The following KCNF1 variants were observed in gnomAD, a reference collection of about 807,000 sequenced individuals.
KCNF1 encodes potassium voltage-gated channel modifier subfamily F member 1, also known as voltage-gated potassium channel regulatory subunit KCNF1.
KCNF1 carries 9 observed loss-of-function variants against 28.6 expected under a neutral mutation model. The ratio of observed to expected loss-of-function variants is 0.31; its 90% CI spans 0.19 to 0.55. The LOEUF (loss-of-function observed/expected upper bound fraction) is 0.55. Ranked by LOEUF, KCNF1 falls within the 20% of genes least tolerant of loss-of-function variation. KCNF1 has a pLI of 0.93. For synonymous variants in KCNF1, 328 were observed against 299.6 expected (o/e 1.09, Z -0.98); for missense variants, 461 against 684.2 (o/e 0.67, Z 3.64).
chr2:10,913,099 G>A lies in KCNF1; in HGVS notation c.673G>A (p.Val225Met), dbSNP rs987567389. 6.2e-7 allele frequency: 1 copy of A among 1,610,074 alleles called. No individual in the cohort carries two copies. The highest frequency in any genetic ancestry group is 1.3e-5 in the African/African-American group (1 of 75,082). Residue 225 changes from valine (V) to methionine (M), a missense_variant, in exon 1 of 1, where the codon GTG (valine) becomes ATG (methionine). Val to Met is a conservative substitution (Grantham distance 21, BLOSUM62 1). This residue lies in a region of KCNF1 where 193 missense variants were observed against 280.6 expected (regional missense o/e 0.69). Coordinates refer to ENST00000295082, the MANE Select transcript of KCNF1 (RefSeq NM_002236.5). This position sits in a 1 kb window ranked among gnomAD's most constrained non-coding sequence, Gnocchi z 5.5. ...CGTGGAGCACCCGACGCTGGAGAACGTGGAGACGGCGTGCATTGGCTGGTT... is the reference window on the plus strand; with the variant it reads ...CGTGGAGCACCCGACGCTGGAGAACATGGAGACGGCGTGCATTGGCTGGTT... ...NRVEHPTLENVETACIGWFTL... is the reference protein window; with the variant it reads ...NRVEHPTLENMETACIGWFTL...
rs1282612512 is a variant in KCNF1, at chr2:10,913,213, A to G, written c.787A>G (p.Ile263Val). Residue 263 changes from isoleucine to valine, a missense_variant, in exon 1 of 1, where the codon ATC (isoleucine) becomes GTC (valine). This residue lies in a region of KCNF1 where 115 missense variants were observed against 261.6 expected (regional missense o/e 0.44). Transcript: ENST00000295082. The surrounding 1 kb of genome is among the most constrained non-coding windows in gnomAD (Gnocchi z 5.5). ...SFMNIVDVLA[I>V]LPFYVSLTLT... The stretch of plus-strand genomic sequence containing the variant: ...CATGAACATTGTGGACGTGCTGGCC[A>G]TCCTCCCCTTCTACGTGAGCCTCAC... 6.2e-7 allele frequency: 1 copy of G among 1,613,458 alleles called. No homozygotes were observed. Among genetic ancestry groups the G allele is most frequent in the Non-Finnish European group, 8.5e-7 (1 of 1,180,034 alleles).
chr2:10,913,889 C>A lies in KCNF1; in HGVS notation c.1463C>A (p.Thr488Asn). The A allele has an allele frequency of 6.6e-7, 1 of 1,521,766 alleles. No homozygotes were observed. The highest frequency in any genetic ancestry group is 8.8e-7 in the Non-Finnish European group (1 of 1,137,138). 94.3% of individuals were successfully genotyped at this position (1,521,766 alleles called of 1,614,324 possible). ...CTGACCGAGGAGAAGCACCACAGGA[C>A]CCGGCTCCAGAGTTGCAAGTGACAG... The part of the protein sequence containing the change: ...PLLTEEKHHR[T>N]RLQSCK The change falls in exon 1 of 1, where the codon ACC becomes AAC. Residue 488 changes from threonine (T) to asparagine (N), a missense_variant. Around this residue, in one of 4 missense-constraint regions of KCNF1, gnomAD observed 101 missense variants for 102.2 expected, o/e 0.99. Coordinates refer to ENST00000295082, the MANE Select transcript of KCNF1 (RefSeq NM_002236.5). The surrounding 1 kb of genome is among the most constrained non-coding windows in gnomAD (Gnocchi z 5.5).
rs141969545 is a variant in KCNF1 at position 10,913,963 on chromosome 2, T to C, written c.*52T>C. The C allele has an allele frequency of 7.2e-4, 1,093 of 1,510,232 alleles. 14 individuals are homozygous for C. In the East Asian group the frequency reaches 0.024, roughly 33 times the overall value. 93.6% of individuals were successfully genotyped at this position (1,510,232 alleles called of 1,614,324 possible). On this transcript the variant is annotated 3_prime_UTR_variant, in exon 1 of 1. Coordinates refer to ENST00000295082, the MANE Select transcript of KCNF1 (RefSeq NM_002236.5). The surrounding 1 kb of genome is among the most constrained non-coding windows in gnomAD (Gnocchi z 5.5). ...ACCAGGCGGTGGACAGATGGGTAGATGTGGCAGGCATGTCATCGACAGCAC... is the reference window on the plus strand; with the variant it reads ...ACCAGGCGGTGGACAGATGGGTAGACGTGGCAGGCATGTCATCGACAGCAC...
In KCNF1 at chr2:10,913,504, T is replaced by A. The variant is rs1309520828; in HGVS notation, c.1078T>A (p.Ser360Thr). The stretch of plus-strand genomic sequence containing the variant: ...GACCCTGTTTAAGAGCATCCCCCAG[T>A]CCTTCTGGTGGGCCATCATCACCAT... ...PETLFKSIPQ[S>T]FWWAIITMTT... The change falls in exon 1 of 1, where the codon TCC (serine) becomes ACC (threonine). Residue 360 changes from serine (S) to threonine (T), a missense_variant. Around this residue, in one of 4 missense-constraint regions of KCNF1, gnomAD observed 115 missense variants for 261.6 expected, o/e 0.44. Coordinates refer to ENST00000295082, the MANE Select transcript of KCNF1 (RefSeq NM_002236.5). This position sits in a 1 kb window ranked among gnomAD's most constrained non-coding sequence, Gnocchi z 5.5. The A allele has an allele frequency of 6.2e-7, 1 of 1,614,116 alleles. No homozygotes were observed. The highest frequency in any genetic ancestry group is 1.1e-5 in the South Asian group (1 of 91,076).
At position 10,913,778 on chromosome 2, in the gene KCNF1, A is replaced by T; in HGVS notation, c.1352A>T (p.Asn451Ile). The T allele has an allele frequency of 6.3e-7, 1 of 1,590,924 alleles. No individual in the cohort carries two copies. The highest frequency in any genetic ancestry group is 8.6e-7 in the Non-Finnish European group (1 of 1,167,844). The change falls in exon 1 of 1, where the codon AAC becomes ATC. Residue 451 changes from asparagine (N) to isoleucine (I), a missense_variant. Coordinates refer to ENST00000295082, the MANE Select transcript of KCNF1 (RefSeq NM_002236.5). This position sits in a 1 kb window ranked among gnomAD's most constrained non-coding sequence, Gnocchi z 5.5. ...KTGGSRSDLDNLPPEPAGKEA... is the reference protein window; with the variant it reads ...KTGGSRSDLDILPPEPAGKEA... ...GGGGGCTCCCGCAGTGACCTGGACA[A>T]CCTCCCTCCAGAGCCTGCGGGGAAG...
chr2:10,912,576 G>A lies in KCNF1; in HGVS notation c.150G>A (p.Ala50=), dbSNP rs1351974391. The change falls in exon 1 of 1, where the codon GCG becomes GCA. Residue 50 remains alanine, a synonymous_variant. Coordinates refer to ENST00000295082, the MANE Select transcript of KCNF1 (RefSeq NM_002236.5). The surrounding 1 kb of genome is among the most constrained non-coding windows in gnomAD (Gnocchi z 7.9). ...LLSQYPETRL[A]ELINCLAGGY... ...GTCAGTACCCTGAGACCCGGCTGGC[G>A]GAGCTCATCAACTGCTTGGCTGGGG... is the stretch of plus-strand genomic sequence containing the variant. 6.2e-7 allele frequency: 1 copy of A among 1,611,718 alleles called. No homozygotes were observed. The highest frequency in any genetic ancestry group is 1.3e-5 in the African/African-American group (1 of 74,896).
At position 10,912,430 on chromosome 2, in the gene KCNF1, G is replaced by T; in HGVS notation, c.4G>T (p.Asp2Tyr). Residue 2 changes from aspartate to tyrosine, a missense_variant, in exon 1 of 1, where the codon GAC becomes TAC. Asp to Tyr is a radical substitution (Grantham distance 160). Around this residue, in one of 4 missense-constraint regions of KCNF1, gnomAD observed 52 missense variants for 39.8 expected, o/e 1.31. Coordinates refer to ENST00000295082, the MANE Select transcript of KCNF1 (RefSeq NM_002236.5). This position sits in a 1 kb window ranked among gnomAD's most constrained non-coding sequence, Gnocchi z 7.9. The stretch of plus-strand genomic sequence containing the variant: ...TGCGAGGGCGCGCGCGGGGAGGATG[G>T]ACGGGTCCGGGGAGCGCAGCCTCCC... M[D>Y]GSGERSLPEP... 7.5e-7 allele frequency: 1 copy of T among 1,340,554 alleles called. No individual in the cohort carries two copies. The allele number at this position is 1,340,554 out of a possible 1,614,324, so 83.0% of individuals were successfully genotyped here.
Position 10,913,322 on chromosome 2 carries a change from G to T in KCNF1, c.896G>T (p.Arg299Leu), listed in dbSNP as rs1661572719. Residue 299 changes from arginine to leucine, a missense_variant, in exon 1 of 1, where the codon CGC becomes CTC. Physicochemically the swap from Arg to Leu is moderately radical, Grantham distance 102 (BLOSUM62 -2). This residue lies in a region of KCNF1 where 115 missense variants were observed against 261.6 expected (regional missense o/e 0.44). Coordinates refer to ENST00000295082, the MANE Select transcript of KCNF1 (RefSeq NM_002236.5). This position sits in a 1 kb window ranked among gnomAD's most constrained non-coding sequence, Gnocchi z 5.5. The stretch of plus-strand genomic sequence containing the variant: ...GCGCTGCGGATCATGCGCATCGCGC[G>T]CATCTTCAAGCTGGCCCGCCACTCC... Reference protein sequence around the residue: ...VQALRIMRIARIFKLARHSSG... With the variant: ...VQALRIMRIALIFKLARHSSG... 2 of 1,612,644 alleles carry T rather than the reference G, an allele frequency of 1.2e-6. No individual in the cohort carries two copies. The highest frequency in any genetic ancestry group is 1.7e-6 in the Non-Finnish European group (2 of 1,179,702).
At position 10,914,155 on chromosome 2, in the gene KCNF1, C is replaced by G; in HGVS notation, c.*244C>G. On this transcript the variant is annotated 3_prime_UTR_variant, in exon 1 of 1. Transcript: ENST00000295082. ...AGGGCCGTGTGGGACGAGTGGAGGCCGCGGCCTGGCTGGCACGAGAGCCCA... is the reference window on the plus strand; with the variant it reads ...AGGGCCGTGTGGGACGAGTGGAGGCGGCGGCCTGGCTGGCACGAGAGCCCA... 1 of 446,420 alleles carries G rather than the reference C, an allele frequency of 2.2e-6. No homozygotes were observed. Among genetic ancestry groups the G allele is most frequent in the Non-Finnish European group, 4.0e-6 (1 of 247,892 alleles). The allele number at this position is 446,420 out of a possible 1,614,324, so 27.7% of individuals were successfully genotyped here.
In KCNF1 at chr2:10,912,373, G is replaced by A. The variant is rs564710821; in HGVS notation, c.-54G>A. 346 of 1,203,286 alleles carry A rather than the reference G, an allele frequency of 2.9e-4. 2 individuals are homozygous for A. Among genetic ancestry groups the A allele is most frequent in the South Asian group, 1.2e-3 (29 of 24,072 alleles). The allele number at this position is 1,203,286 out of a possible 1,614,324, so 74.5% of individuals were successfully genotyped here. On this transcript the variant is annotated 5_prime_UTR_variant, in exon 1 of 1. Coordinates refer to ENST00000295082, the MANE Select transcript of KCNF1 (RefSeq NM_002236.5). The surrounding 1 kb of genome is among the most constrained non-coding windows in gnomAD (Gnocchi z 7.9). ...CCGCCGGACCCCCAGCGGCAGCGGC[G>A]GCGGCGGCTGCAGGGGGCGCGGGGC...
At position 10,912,795 on chromosome 2, in the gene KCNF1, G is replaced by C. The variant is rs745480939; in HGVS notation, c.369G>C (p.Leu123=). Residue 123 remains leucine (L), a synonymous_variant, in exon 1 of 1, where the codon CTG becomes CTC. Transcript: ENST00000295082. The surrounding 1 kb of genome is among the most constrained non-coding windows in gnomAD (Gnocchi z 7.9). The part of the protein sequence containing the change: ...MDFWKVDLKF[L]DDCCKSHLSE... Reference sequence around the variant, plus strand: ...TCTGGAAGGTGGACCTCAAGTTCCTGGACGACTGTTGCAAGAGCCACCTGA... The same window carrying C: ...TCTGGAAGGTGGACCTCAAGTTCCTCGACGACTGTTGCAAGAGCCACCTGA... The C allele has an allele frequency of 6.2e-7, 1 of 1,614,042 alleles. No individual in the cohort carries two copies. The highest frequency in any genetic ancestry group is 8.5e-7 in the Non-Finnish European group (1 of 1,180,040).
Position 10,913,062 on chromosome 2 carries a change from C to A in KCNF1, c.636C>A (p.Ala212=), listed in dbSNP as rs750317475. 3 of 1,605,422 alleles carry A rather than the reference C, an allele frequency of 1.9e-6. No homozygotes were observed. Among genetic ancestry groups the A allele is most frequent in the Non-Finnish European group, 2.5e-6 (3 of 1,179,984 alleles). ...GTIPELQVLD[A]EGNRVEHPTL... ...TCCCCGAGCTGCAGGTGCTGGACGCCGAGGGCAACCGCGTGGAGCACCCGA... is the reference window on the plus strand; with the variant it reads ...TCCCCGAGCTGCAGGTGCTGGACGCAGAGGGCAACCGCGTGGAGCACCCGA... Residue 212 remains alanine, a synonymous_variant, in exon 1 of 1, where the codon GCC becomes GCA. Coordinates refer to ENST00000295082, the MANE Select transcript of KCNF1 (RefSeq NM_002236.5). The surrounding 1 kb of genome is among the most constrained non-coding windows in gnomAD (Gnocchi z 5.5).
At position 10,912,852 on chromosome 2, in the gene KCNF1, G is replaced by A. The variant is rs766410972; in HGVS notation, c.426G>A (p.Ala142=). 1.9e-6 allele frequency: 3 copies of A among 1,613,556 alleles called. No homozygotes were observed. Among genetic ancestry groups the A allele is most frequent in the Non-Finnish European group, 2.5e-6 (3 of 1,179,980 alleles). ...SEKREELEEI[A]RRVQLILDDL... ...AGCGCGAGGAGCTGGAGGAGATCGC[G>A]CGCCGCGTGCAGCTCATCCTGGACG... is the stretch of plus-strand genomic sequence containing the variant. The change falls in exon 1 of 1, where the codon GCG becomes GCA. Residue 142 remains alanine, a synonymous_variant. Transcript: ENST00000295082. This position sits in a 1 kb window ranked among gnomAD's most constrained non-coding sequence, Gnocchi z 7.9.
At position 10,913,749 on chromosome 2, in the gene KCNF1, G is replaced by C. The variant is rs369851909; in HGVS notation, c.1323G>C (p.Lys441Asn). 2.5e-6 allele frequency: 4 copies of C among 1,612,808 alleles called. No homozygotes were observed. The African/African-American group carries it at 5.3e-5, about 22-fold the overall frequency. Residue 441 changes from lysine to asparagine, a missense_variant, in exon 1 of 1, where the codon AAG becomes AAC. Around this residue, in one of 4 missense-constraint regions of KCNF1, gnomAD observed 101 missense variants for 102.2 expected, o/e 0.99. Transcript: ENST00000295082. This position sits in a 1 kb window ranked among gnomAD's most constrained non-coding sequence, Gnocchi z 5.5. ...ACTCCAGCAGCGGGGGCGAGGGCAA[G>C]ACCGGGGGCTCCCGCAGTGACCTGG... Reference protein sequence around the residue: ...ELNSSSGGEGKTGGSRSDLDN... With the variant: ...ELNSSSGGEGNTGGSRSDLDN...
Position 10,913,353 on chromosome 2 carries a change from C to A in KCNF1, c.927C>A (p.Gly309=). The change falls in exon 1 of 1, where the codon GGC becomes GGA. Residue 309 remains glycine (G), a synonymous_variant. Coordinates refer to ENST00000295082, the MANE Select transcript of KCNF1 (RefSeq NM_002236.5). The surrounding 1 kb of genome is among the most constrained non-coding windows in gnomAD (Gnocchi z 5.5). ...TCAAGCTGGCCCGCCACTCCTCGGG[C>A]CTGCAGACCCTCACCTATGCCCTCA... ...RIFKLARHSS[G]LQTLTYALKR... is the part of the protein sequence containing the mutation. 1.2e-6 allele frequency: 2 copies of A among 1,613,876 alleles called. No individual in the cohort carries two copies. The highest frequency in any genetic ancestry group is 1.7e-6 in the Non-Finnish European group (2 of 1,179,950).
chr2:10,913,399 G>A lies in KCNF1; in HGVS notation c.973G>A (p.Gly325Arg), dbSNP rs756730123. 1 of 1,614,024 alleles carries A rather than the reference G, an allele frequency of 6.2e-7. No individual in the cohort carries two copies. The highest frequency in any genetic ancestry group is 8.5e-7 in the Non-Finnish European group (1 of 1,179,932). The change falls in exon 1 of 1, where the codon GGG (glycine) becomes AGG (arginine). Residue 325 changes from glycine (G) to arginine (R), a missense_variant. Gly to Arg is a moderately radical substitution (Grantham distance 125). This residue lies in a region of KCNF1 where 115 missense variants were observed against 261.6 expected (regional missense o/e 0.44). Coordinates refer to ENST00000295082, the MANE Select transcript of KCNF1 (RefSeq NM_002236.5). This position sits in a 1 kb window ranked among gnomAD's most constrained non-coding sequence, Gnocchi z 5.5. ...YALKRSFKEL[G>R]LLLMYLAVGI... The stretch of plus-strand genomic sequence containing the variant: ...CCTCAAGCGCAGCTTCAAGGAACTG[G>A]GGCTGCTGCTCATGTACCTGGCAGT...
At position 10,913,073 on chromosome 2, in the gene KCNF1, G is replaced by T; in HGVS notation, c.647G>T (p.Arg216Leu). Reference sequence around the variant, plus strand: ...CAGGTGCTGGACGCCGAGGGCAACCGCGTGGAGCACCCGACGCTGGAGAAC... The same window carrying T: ...CAGGTGCTGGACGCCGAGGGCAACCTCGTGGAGCACCCGACGCTGGAGAAC... ...ELQVLDAEGN[R>L]VEHPTLENVE... The change falls in exon 1 of 1, where the codon CGC (arginine) becomes CTC (leucine). Residue 216 changes from arginine to leucine, a missense_variant. Physicochemically the swap from Arg to Leu is moderately radical, Grantham distance 102 (BLOSUM62 -2). Coordinates refer to ENST00000295082, the MANE Select transcript of KCNF1 (RefSeq NM_002236.5). This position sits in a 1 kb window ranked among gnomAD's most constrained non-coding sequence, Gnocchi z 5.5. 6.2e-7 allele frequency: 1 copy of T among 1,606,712 alleles called. No individual in the cohort carries two copies. The highest frequency in any genetic ancestry group is 8.5e-7 in the Non-Finnish European group (1 of 1,179,992).
Position 10,913,783 on chromosome 2 carries a change from C to T in KCNF1, c.1357C>T (p.Pro453Ser). Residue 453 changes from proline (P) to serine (S), a missense_variant, in exon 1 of 1, where the codon CCT (proline) becomes TCT (serine). Around this residue, in one of 4 missense-constraint regions of KCNF1, gnomAD observed 101 missense variants for 102.2 expected, o/e 0.99. Coordinates refer to ENST00000295082, the MANE Select transcript of KCNF1 (RefSeq NM_002236.5). The surrounding 1 kb of genome is among the most constrained non-coding windows in gnomAD (Gnocchi z 5.5). Reference protein sequence around the residue: ...GGSRSDLDNLPPEPAGKEAPS... With the variant: ...GGSRSDLDNLSPEPAGKEAPS... ...CTCCCGCAGTGACCTGGACAACCTC[C>T]CTCCAGAGCCTGCGGGGAAGGAGGC... The T allele has an allele frequency of 6.3e-7, 1 of 1,596,520 alleles. No homozygotes were observed. Among genetic ancestry groups the T allele is most frequent in the Non-Finnish European group, 8.5e-7 (1 of 1,170,414 alleles).
At position 10,912,499 on chromosome 2, in the gene KCNF1, A is replaced by G. The variant is rs1156787272; in HGVS notation, c.73A>G (p.Ile25Val). 1 of 1,585,916 alleles carries G rather than the reference A, an allele frequency of 6.3e-7. No individual in the cohort carries two copies. Among genetic ancestry groups the G allele is most frequent in the South Asian group, 1.2e-5 (1 of 85,694 alleles). The part of the protein sequence containing the change: ...QSSAASDDIE[I>V]VVNVGGVRQV... The stretch of plus-strand genomic sequence containing the variant: ...CTCCGCTGCCAGCGACGACATAGAG[A>G]TAGTCGTCAACGTGGGGGGCGTGCG... Residue 25 changes from isoleucine (I) to valine (V), a missense_variant, in exon 1 of 1, where the codon ATA (isoleucine) becomes GTA (valine). By Grantham distance (29) the Ile-to-Val change is conservative. Around this residue, in one of 4 missense-constraint regions of KCNF1, gnomAD observed 52 missense variants for 39.8 expected, o/e 1.31. Coordinates refer to ENST00000295082, the MANE Select transcript of KCNF1 (RefSeq NM_002236.5). The surrounding 1 kb of genome is among the most constrained non-coding windows in gnomAD (Gnocchi z 7.9).
Sources: gnomAD v4.1 joint callset for allele counts on GRCh38, gnomAD v4.1.1 for gene constraint, gnomAD v4.1.1 regional missense constraint, Gnocchi (gnomAD v3.1) non-coding constraint, MANE v1.5 for transcripts, NCBI Gene and HGNC (gene_info 2026-07-23, HGNC 2026-07-21) for gene names.